SAMD4A: variants seen among roughly 807,000 people sequenced by gnomAD.
The protein encoded by SAMD4A is sterile alpha motif domain containing 4A, also known as protein Smaug homolog 1.
SAMD4A carries 33 observed loss-of-function variants against 81.3 expected under a neutral mutation model. That is an observed-to-expected ratio of 0.41 (90% CI 0.31 to 0.54). The LOEUF is 0.54. SAMD4A is among the 20% of genes least tolerant of loss of function. The pLI, the probability that SAMD4A is intolerant of heterozygous loss-of-function variation, is 0.37. For missense variants in SAMD4A, 854 were observed against 951.1 expected, an observed-to-expected ratio of 0.90 and a Z score of 1.34; for synonymous variants, 389 against 382.1, an observed-to-expected ratio of 1.02 and a Z score of -0.21.
At chr14:54,720,855 G>T (rs1418286755) in intron 3 of SAMD4A, among the ~76,000 whole-genome samples, 1 of 152,064 alleles carries the variant, frequency 6.6e-6, no homozygotes, top group East Asian at 1.9e-4. Context: ...GAGCTTCATG[G>T]AAGTTCTACC....
At chr14:54,692,852 G>C (rs1566588326) in intron 2 of SAMD4A, 1 of 144,044 alleles carries the variant, frequency 6.9e-6, no homozygotes, top group East Asian at 2.0e-4. Flanking sequence ...TTCCTATGAG[G>C]CCTTATTGAA....
In SAMD4A at chr14:54,669,615, C is replaced by T. The variant is rs554035515; in HGVS notation, c.197-32447C>T. Among the ~76,000 whole-genome samples the T allele has an allele frequency of 4.3e-4, 65 of 152,052 alleles. 1 individual carries two copies. Among genetic ancestry groups the T allele is most frequent in the Admixed American group, 1.8e-3 (28 of 15,278 alleles). On this transcript the variant is annotated intron_variant, in intron 2 of 12. Transcript: ENST00000554335. ...CTAGGACCACAGGCGTGCACCACTA[C>T]GCCCGGCTAGCACTCCTTTCTTTAG...
At chr14:54,702,940 G>A (rs2036757644) in intron 3 of SAMD4A, 1 of 224,508 alleles carries the variant, frequency 4.5e-6, no homozygotes, top group Non-Finnish European at 8.9e-6. Flanking sequence ...GTTACTGTGT[G>A]ATTCTCTAAA....
intron 2 of SAMD4A, among the ~76,000 whole-genome samples, chr14:54,644,319 A>G (rs1251815595): frequency 6.6e-6 from 1 of 152,188 alleles, no homozygotes; most frequent in Admixed American, 6.5e-5. Flanking sequence ...CATACTTCTA[A>G]TAGATTTAAA....
intron 2 of SAMD4A, among the ~76,000 whole-genome samples, chr14:54,629,856 G>A (rs1195871654): frequency 6.6e-6 from 1 of 151,890 alleles, no homozygotes; most frequent in African/African-American, 2.4e-5. Flanking sequence ...CCTTCCCCTG[G>A]CACCCACTGT....
intron 11 of SAMD4A, among the ~76,000 whole-genome samples, chr14:54,783,176 A>G (rs1028355724): frequency 1.3e-5 from 2 of 149,660 alleles, no homozygotes; most frequent in South Asian, 4.2e-4. Flanking sequence ...AAAAAAAAAC[A>G]AAAAGGATTT....
At position 54,597,000 on chromosome 14, in the gene SAMD4A, A is replaced by C. The variant is rs149982292; in HGVS notation, c.196+28888A>C. ...TCTTATGAAAGGGAGCCCCATGCAG[A>C]AGTGTTTTGTTTCATGCCCATTGCA... is the stretch of plus-strand genomic sequence containing the variant. On this transcript the variant is annotated intron_variant, in intron 2 of 12. Transcript: ENST00000554335. Among the ~76,000 whole-genome samples the C allele has an allele frequency of 3.3e-3, 503 of 152,306 alleles. 2 individuals are homozygous for C. Among genetic ancestry groups the C allele is most frequent in the African/African-American group, 0.011 (470 of 41,562 alleles).
intron 4 of SAMD4A, among the ~76,000 whole-genome samples, chr14:54,740,007 TAAA>T (rs1443629400): frequency 2.0e-5 from 3 of 152,084 alleles, no homozygotes; most frequent in Middle Eastern, 6.3e-3. Context: ...CTTTCTCCAC[TAAA>T]AATACAAAAA....
At chr14:54,770,710 C>T (rs982831458) in intron 9 of SAMD4A, among the ~76,000 whole-genome samples, 1 of 152,182 alleles carries the variant, frequency 6.6e-6, no homozygotes, top group African/African-American at 2.4e-5. Context: ...CATAGTGGAG[C>T]AGTACAATTC....
intron 2 of SAMD4A, among the ~76,000 whole-genome samples, chr14:54,634,715 A>ATCTG (rs1371281497): frequency 2.4e-5 from 3 of 123,500 alleles, no homozygotes; most frequent in East Asian, 2.9e-4. Flanking sequence ...CTATCTATCT[A>ATCTG]TCTATCTGTC....
chr14:54,744,876 C>T (rs901679791), intron 4 of SAMD4A, among the ~76,000 whole-genome samples: 1 of 152,180 alleles, frequency 6.6e-6, no homozygotes, highest in Non-Finnish European at 1.5e-5. Flanking sequence ...TTGTATGACC[C>T]AAAGGCATTG....
chr14:54,570,415 T>C (rs1018029561), intron 2 of SAMD4A, among the ~76,000 whole-genome samples: 3 of 152,226 alleles, frequency 2.0e-5, no homozygotes, highest in Non-Finnish European at 4.4e-5. Flanking sequence ...TCTCAGAATG[T>C]ACTTGCTCTT....
intron 2 of SAMD4A, among the ~76,000 whole-genome samples, chr14:54,698,783 G>A (rs963909780): frequency 6.6e-6 from 1 of 152,200 alleles, no homozygotes; most frequent in Non-Finnish European, 1.5e-5. Flanking sequence ...AGGGACCGGG[G>A]CCAGCGGCCT....
At chr14:54,686,137 T>A (rs2036262403) in intron 2 of SAMD4A, among the ~76,000 whole-genome samples, 1 of 152,112 alleles carries the variant, frequency 6.6e-6, no homozygotes, top group Non-Finnish European at 1.5e-5. Flanking sequence ...AGGGATGCCT[T>A]TAGAGGACCT....
chr14:54,779,472 A>T (rs1331475403), intron 11 of SAMD4A, among the ~76,000 whole-genome samples: 5 of 152,216 alleles, frequency 3.3e-5, no homozygotes. Context: ...TTCATTCTGT[A>T]AACCTAAAAT....
chr14:54,766,739 A>G (rs771444902), intron 8 of SAMD4A, among the ~76,000 whole-genome samples: 2 of 152,164 alleles, frequency 1.3e-5, no homozygotes, highest in African/African-American at 2.4e-5. Flanking sequence ...TGCTCTCAGC[A>G]TTGATATTGG....
intron 3 of SAMD4A, among the ~76,000 whole-genome samples, chr14:54,720,004 T>G (rs1260085866): frequency 6.6e-6 from 1 of 152,190 alleles, no homozygotes; most frequent in Non-Finnish European, 1.5e-5. Flanking sequence ...GAATTTCAGA[T>G]TAGATAATAG....
At chr14:54,626,240 T>G (rs930842888) in intron 2 of SAMD4A, among the ~76,000 whole-genome samples, 13 of 152,180 alleles carry the variant, frequency 8.5e-5, no homozygotes, top group Non-Finnish European at 1.5e-4. Flanking sequence ...ATGTTAGACT[T>G]TATCTCTTCT....
chr14:54,736,877 C>A, intron 3 of SAMD4A, 147 bp from the exon 4 acceptor site: 1 of 910,362 alleles, frequency 1.1e-6, no homozygotes, highest in Non-Finnish European at 1.7e-6. Context: ...AACGACCATG[C>A]CAGGCCTGTA....
Sources: gnomAD v4.1 joint callset for allele counts (sites outside exome capture counted in the v4.1 genomes callset) on GRCh38, gnomAD v4.1.1 for gene constraint, MANE v1.5 for transcripts, NCBI Gene and HGNC (gene_info 2026-07-23, HGNC 2026-07-21) for gene names.